Variants in PTPN9 observed in about 807,000 individuals in gnomAD.
PTPN9 encodes protein tyrosine phosphatase non-receptor type 9.
A neutral mutation model predicts 69.8 loss-of-function variants in PTPN9; 26 were observed. The ratio of observed to expected loss-of-function variants is 0.37; its 90% confidence interval spans 0.27 to 0.52. The LOEUF (loss-of-function observed/expected upper bound fraction) is 0.52. Ranked by LOEUF, PTPN9 falls within the 20% of genes least tolerant of loss-of-function variation. The probability of loss-of-function intolerance (pLI) is 0.91; values close to 1 mark genes in which losing one functional copy is unlikely to be tolerated. For synonymous variants in PTPN9, 274 were observed against 272.5 expected (o/e 1.01, Z -0.05); for missense variants, 549 against 740.3 (o/e 0.74, Z 3.00).
At chr15:75,490,605 T>C (rs2074703862) in intron 7 of PTPN9, among the ~76,000 whole-genome samples, 1 of 151,712 alleles carries the variant, frequency 6.6e-6, no homozygotes, top group Non-Finnish European at 1.5e-5. Context: ...TCGTGAGCAG[T>C]CTGGGAAATG....
chr15:75,521,998 G>T (rs1483473030), intron 4 of PTPN9, among the ~76,000 whole-genome samples: 2 of 152,108 alleles, frequency 1.3e-5, no homozygotes, highest in African/African-American at 4.8e-5. Flanking sequence ...GAATCAATGC[G>T]CCTGGCCTCA....
chr15:75,548,581 G>A (rs576897152), intron 1 of PTPN9, among the ~76,000 whole-genome samples: 1 of 151,216 alleles, frequency 6.6e-6, no homozygotes, highest in Non-Finnish European at 1.5e-5. Context: ...CTTCTAAAGA[G>A]AAGACAGATG....
intron 1 of PTPN9, among the ~76,000 whole-genome samples, chr15:75,577,600 G>A (rs1444861887): frequency 6.6e-6 from 1 of 152,120 alleles, no homozygotes; most frequent in African/African-American, 2.4e-5. Context: ...AAAAGACAAG[G>A]ACTTTAAAAA....
chr15:75,506,235 A>T (rs932079372), intron 6 of PTPN9, among the ~76,000 whole-genome samples: 2 of 152,192 alleles, frequency 1.3e-5, no homozygotes. Context: ...TCACTCCTGG[A>T]ATTAGGGACA....
intron 6 of PTPN9, among the ~76,000 whole-genome samples, chr15:75,508,681 A>C (rs1201094470): frequency 6.6e-6 from 1 of 152,238 alleles, no homozygotes; most frequent in Non-Finnish European, 1.5e-5. Context: ...ATAGAAAGTG[A>C]GAACCAGATA....
chr15:75,483,688 A>G (rs1320640276), intron 8 of PTPN9, among the ~76,000 whole-genome samples: 39 of 152,198 alleles, frequency 2.6e-4, no homozygotes, highest in Admixed American at 2.6e-3. Flanking sequence ...AAATAGGTAA[A>G]TTGTATGGTA....
In PTPN9 at chr15:75,468,442, G is replaced by A. The variant is rs2074546627; in HGVS notation, c.*327C>T. ...GACAGGAGACCTCAGAAAAAGAATG[G>A]CGGGAGAAAGGAGGAGGGAGGTTCC... On this transcript the variant is annotated 3_prime_UTR_variant, in exon 13 of 13. Transcript: ENST00000618819. 3 of 209,588 alleles carry A rather than the reference G, an allele frequency of 1.4e-5. No individual in the cohort carries two copies. Among genetic ancestry groups the A allele is most frequent in the Middle Eastern group, 4.0e-3 (2 of 504 alleles). 13.0% of individuals were successfully genotyped at this position (209,588 alleles called of 1,614,324 possible).
chr15:75,521,303 A>C (rs901529769), intron 4 of PTPN9, among the ~76,000 whole-genome samples: 10 of 150,974 alleles, frequency 6.6e-5, no homozygotes, highest in Non-Finnish European at 1.3e-4. Context: ...AAAAAAAAAA[A>C]AAAACGGGCG....
intron 1 of PTPN9, among the ~76,000 whole-genome samples, chr15:75,578,378 C>A (rs1678659775): frequency 6.6e-6 from 1 of 152,186 alleles, no homozygotes; most frequent in African/African-American, 2.4e-5. Context: ...GTGGAAGGGC[C>A]GGGGGCAAGC....
intron 7 of PTPN9, among the ~76,000 whole-genome samples, chr15:75,503,578 C>A (rs1194524524): frequency 6.5e-5 from 9 of 138,250 alleles, no homozygotes; most frequent in African/African-American, 1.9e-4. Context: ...CCAGCCGCTC[C>A]GTCCGGGAGG....
intron 1 of PTPN9, among the ~76,000 whole-genome samples, chr15:75,528,695 A>ATTTTT (rs770826556): frequency 4.0e-5 from 5 of 125,440 alleles, no homozygotes; most frequent in Non-Finnish European, 6.6e-5. Flanking sequence ...CCCTCAGCAC[A>ATTTTT]TTTTTTTTTT....
intron 10 of PTPN9, among the ~76,000 whole-genome samples, chr15:75,471,769 G>C (rs2074567149): frequency 6.6e-6 from 1 of 151,982 alleles, no homozygotes; most frequent in South Asian, 2.1e-4. Context: ...ACAAAAATTA[G>C]CCAGGCATGG....
intron 1 of PTPN9, among the ~76,000 whole-genome samples, chr15:75,557,435 A>AC (rs927230055): frequency 4.4e-4 from 67 of 150,978 alleles, no homozygotes; most frequent in African/African-American, 1.3e-3. Flanking sequence ...AAAAAAAAAA[A>AC]CACAAAAAAA....
rs1254895873 is a variant in PTPN9, at chr15:75,463,595, G to A, written c.*5174C>T. 2 of 152,164 alleles carry A rather than the reference G, an allele frequency of 1.3e-5. No homozygotes were observed. Among genetic ancestry groups the A allele is most frequent in the Non-Finnish European group, 2.9e-5 (2 of 68,046 alleles). 9.4% of individuals were successfully genotyped at this position (152,164 alleles called of 1,614,324 possible). On this transcript the variant is annotated 3_prime_UTR_variant, in exon 13 of 13. Transcript: ENST00000618819. ...CAGCAGGCCACATTTAGCTCAAACA[G>A]GAGGATTTTATGACAGCCAAGGTAA...
intron 1 of PTPN9, among the ~76,000 whole-genome samples, chr15:75,562,849 C>T (rs989317083): frequency 1.4e-5 from 2 of 147,910 alleles, no homozygotes; most frequent in African/African-American, 2.5e-5. Flanking sequence ...ATACCTGCTT[C>T]GTAGGCTATG....
At chr15:75,554,226 C>T (rs2075067548) in intron 1 of PTPN9, among the ~76,000 whole-genome samples, 1 of 151,170 alleles carries the variant, frequency 6.6e-6, no homozygotes, top group Non-Finnish European at 1.5e-5. Context: ...TAGAATTTCG[C>T]TCTTATTGCC....
intron 5 of PTPN9, among the ~76,000 whole-genome samples, chr15:75,510,313 G>A (rs978843282): frequency 2.0e-5 from 3 of 151,978 alleles, no homozygotes; most frequent in Non-Finnish European, 4.4e-5. Context: ...TGGCACAATC[G>A]CCACTCACTG....
chr15:75,488,513 T>C (rs570038852), intron 8 of PTPN9, among the ~76,000 whole-genome samples: 36 of 152,224 alleles, frequency 2.4e-4, no homozygotes, highest in African/African-American at 8.4e-4. Context: ...AAAGGAATTA[T>C]GGCCAGGCAC....
At chr15:75,545,956 G>A (rs1021353744) in intron 1 of PTPN9, among the ~76,000 whole-genome samples, 3 of 152,026 alleles carry the variant, frequency 2.0e-5, no homozygotes, top group African/African-American at 7.2e-5. Flanking sequence ...TGAAAAAATA[G>A]ATTAAAGTAA....
Sources: gnomAD v4.1 joint callset for allele counts (sites outside exome capture counted in the v4.1 genomes callset) on GRCh38, gnomAD v4.1.1 for gene constraint, MANE v1.5 for transcripts, NCBI Gene and HGNC (gene_info 2026-07-23, HGNC 2026-07-21) for gene names.